The following RBMS1 variants were observed in gnomAD, a reference collection of about 807,000 sequenced individuals.
The protein encoded by RBMS1 is RNA-binding motif, single-stranded-interacting protein 1.
A neutral mutation model predicts 62.3 loss-of-function variants in RBMS1; 17 were observed. The ratio of observed to expected loss-of-function variants is 0.27; its 90% CI spans 0.19 to 0.41. The LOEUF (loss-of-function observed/expected upper bound fraction) is 0.41, where lower values mean the gene tolerates loss of function less well. Among genes scored for constraint, RBMS1 ranks in the 10% least tolerant of loss-of-function variants. The pLI is 1.00. For missense variants in RBMS1, 334 were observed against 504.5 expected, an observed-to-expected ratio of 0.66 and a Z score of 3.24; for synonymous variants, 172 against 170.0, an observed-to-expected ratio of 1.01 and a Z score of -0.09.
intron 1 of RBMS1, among the ~76,000 whole-genome samples, chr2:160,394,563 T>C (rs752535957): frequency 6.6e-6 from 1 of 152,050 alleles, no homozygotes; most frequent in Non-Finnish European, 1.5e-5. Flanking sequence ...TAAAAAGCAA[T>C]AAAACAGGTG....
chr2:160,415,031 C>A (rs577037799), intron 1 of RBMS1, among the ~76,000 whole-genome samples: 1 of 151,950 alleles, frequency 6.6e-6, no homozygotes, highest in East Asian at 1.9e-4. Context: ...GATACCAAGA[C>A]AAAGAGAAGG....
At chr2:160,376,401 T>C (rs570174210) in intron 1 of RBMS1, among the ~76,000 whole-genome samples, 1 of 152,302 alleles carries the variant, frequency 6.6e-6, no homozygotes, top group East Asian at 1.9e-4. Context: ...CCCATAATAA[T>C]AACTTAAAAA....
chr2:160,461,218 C>T (rs1684447990), intron 1 of RBMS1, among the ~76,000 whole-genome samples: 1 of 151,670 alleles, frequency 6.6e-6, no homozygotes, highest in Middle Eastern at 3.4e-3. Context: ...CAATGCACTT[C>T]AGCCTGGGCA....
chr2:160,361,076 A>C (rs1693104239), intron 2 of RBMS1, among the ~76,000 whole-genome samples: 1 of 152,254 alleles, frequency 6.6e-6, no homozygotes, highest in South Asian at 2.1e-4. Flanking sequence ...CTGCACTTGG[A>C]AACAAGTTAA....
At chr2:160,368,332 A>C (rs1693524418) in intron 1 of RBMS1, among the ~76,000 whole-genome samples, 3 of 152,188 alleles carry the variant, frequency 2.0e-5, no homozygotes, top group Admixed American at 1.3e-4. Flanking sequence ...TACTGTACTA[A>C]CTCAAGGACA....
Position 160,345,096 on chromosome 2 carries a change from T to C in RBMS1, c.251+22120A>G, listed in dbSNP as rs1010616891. The stretch of plus-strand genomic sequence containing the variant: ...AGTCTCAGGCAAATTTGCCCAAGAT[T>C]ACATGGTAATTTCAGAAGAAATGAA... On this transcript the variant is annotated intron_variant, in intron 2 of 13. Coordinates refer to ENST00000348849, the MANE Select transcript of RBMS1 (RefSeq NM_016836.4). Among the ~76,000 whole-genome samples, 61 of 152,120 alleles carry C rather than the reference T, an allele frequency of 4.0e-4. 1 individual carries two copies. Among genetic ancestry groups the C allele is most frequent in the African/African-American group, 1.4e-3 (59 of 41,424 alleles).
At chr2:160,479,510 G>C (rs528332646) in intron 1 of RBMS1, among the ~76,000 whole-genome samples, 1 of 152,292 alleles carries the variant, frequency 6.6e-6, no homozygotes, top group East Asian at 1.9e-4. Context: ...GGCCCCATTC[G>C]CATCCCATCC....
intron 5 of RBMS1, among the ~76,000 whole-genome samples, chr2:160,301,014 T>C (rs1689181333): frequency 6.6e-6 from 1 of 152,230 alleles, no homozygotes; most frequent in African/African-American, 2.4e-5. Flanking sequence ...TTGTAATTGT[T>C]GTAAAATTGA....
At chr2:160,442,548 G>C (rs1683452912) in intron 1 of RBMS1, among the ~76,000 whole-genome samples, 1 of 152,142 alleles carries the variant, frequency 6.6e-6, no homozygotes, top group Non-Finnish European at 1.5e-5. Flanking sequence ...GTATTACAAG[G>C]ATAGATCATT....
intron 1 of RBMS1, among the ~76,000 whole-genome samples, chr2:160,445,366 G>A (rs1683599862): frequency 6.6e-6 from 1 of 152,082 alleles, no homozygotes; most frequent in African/African-American, 2.4e-5. Flanking sequence ...AAAGACTCTG[G>A]GACTAAAATG....
At chr2:160,375,188 CTT>C (rs1460657844) in intron 1 of RBMS1, among the ~76,000 whole-genome samples, 1 of 152,160 alleles carries the variant, frequency 6.6e-6, no homozygotes, top group East Asian at 1.9e-4. Context: ...CTTTAGTACT[CTT>C]GTCTGTCTGC....
At chr2:160,456,698 C>A (rs1684246977) in intron 1 of RBMS1, among the ~76,000 whole-genome samples, 1 of 152,196 alleles carries the variant, frequency 6.6e-6, no homozygotes, top group African/African-American at 2.4e-5. Context: ...CTCTCCTGAG[C>A]TGTTCCTATT....
chr2:160,444,240 T>C lies in RBMS1; in HGVS notation c.75+49049A>G, dbSNP rs1400893466. 2.6e-5 allele frequency among the ~76,000 whole-genome samples: 4 copies of C among 152,192 alleles called. No individual in the cohort carries two copies. The East Asian group carries it at 7.7e-4, about 29-fold the overall frequency. On this transcript the variant is annotated intron_variant, in intron 1 of 13. Coordinates refer to ENST00000348849, the MANE Select transcript of RBMS1 (RefSeq NM_016836.4). ...TAAAATAAAACACACTCTATTCCCTTATATTTAAGCATCTATCAAGATTCA... is the reference window on the plus strand; with the variant it reads ...TAAAATAAAACACACTCTATTCCCTCATATTTAAGCATCTATCAAGATTCA...
At chr2:160,410,221 CAAAAAAAAAAAAA>C (rs575199475) in intron 1 of RBMS1, among the ~76,000 whole-genome samples, 1 of 68,020 alleles carries the variant, frequency 1.5e-5, no homozygotes, top group Admixed American at 2.2e-4. Flanking sequence ...GACCCCGTCT[CAAAAAAAAAAAAA>C]AAAAAAAAAA....
intron 1 of RBMS1, among the ~76,000 whole-genome samples, chr2:160,467,272 A>G (rs892965525): frequency 5.3e-5 from 8 of 152,172 alleles, no homozygotes; most frequent in Non-Finnish European, 1.0e-4. Context: ...GCAGCTGACC[A>G]GTAAGTGTAC....
At chr2:160,294,201 A>C (rs758529651) in intron 6 of RBMS1, among the ~76,000 whole-genome samples, 1 of 152,252 alleles carries the variant, frequency 6.6e-6, no homozygotes, top group Admixed American at 6.5e-5. Flanking sequence ...TTTTTCCCCC[A>C]ACAAACTATA....
intron 1 of RBMS1, among the ~76,000 whole-genome samples, chr2:160,436,805 C>T (rs1031539958): frequency 6.6e-6 from 1 of 152,092 alleles, no homozygotes; most frequent in Non-Finnish European, 1.5e-5. Flanking sequence ...TTTCCTGCTA[C>T]ATTCGTCCCA....
intron 4 of RBMS1, among the ~76,000 whole-genome samples, chr2:160,311,638 C>T (rs924117722): frequency 1.3e-5 from 2 of 150,750 alleles, no homozygotes; most frequent in Non-Finnish European, 3.0e-5. Flanking sequence ...AAAAGTATTG[C>T]TCTTTTAAAA....
At chr2:160,353,102 A>G (rs541555400) in intron 2 of RBMS1, among the ~76,000 whole-genome samples, 4 of 152,268 alleles carry the variant, frequency 2.6e-5, no homozygotes, top group Admixed American at 2.6e-4. Flanking sequence ...TGTTACTGAT[A>G]CTGTTCTGCA....
Sources: allele counts gnomAD v4.1 joint callset (sites outside exome capture counted in the v4.1 genomes callset), GRCh38; gene constraint gnomAD v4.1.1; transcripts MANE v1.5; gene names NCBI Gene and HGNC (gene_info 2026-07-23, HGNC 2026-07-21).